The following ABLIM1 variants were observed in gnomAD, a reference collection of about 807,000 sequenced individuals.
ABLIM1 encodes the protein actin binding LIM protein 1.
A neutral mutation model predicts 107.0 loss-of-function variants in ABLIM1; 40 were observed. The observed-to-expected ratio is 0.37, with a 90% CI of 0.29 to 0.49. The LOEUF is 0.49. Ranked by LOEUF, ABLIM1 falls within the 20% of genes least tolerant of loss-of-function variation. The probability of loss-of-function intolerance (pLI) is 0.97; values close to 1 mark genes in which losing one functional copy is unlikely to be tolerated. For missense variants in ABLIM1, 857 were observed against 1,008.5 expected, an observed-to-expected ratio of 0.85 and a Z score of 2.04; for synonymous variants, 357 against 357.3, an observed-to-expected ratio of 1.00 and a Z score of 0.01.
intron 2 of ABLIM1, among the ~76,000 whole-genome samples, chr10:114,582,476 C>T (rs150024689): frequency 6.6e-6 from 1 of 152,258 alleles, no homozygotes; most frequent in African/African-American, 2.4e-5. Flanking sequence ...TATGAAACTA[C>T]CAACATCATT....
At chr10:114,687,076 G>A (rs552043562), upstream of ABLIM1, among the ~76,000 whole-genome samples, 16 of 152,294 alleles carry the variant, frequency 1.1e-4, no homozygotes, top group African/African-American at 1.9e-4. Flanking sequence ...GAAAGTGACC[G>A]TCACTTAGCA....
At chr10:114,771,213 T>C (rs1157202553), upstream of ABLIM1, among the ~76,000 whole-genome samples, 1 of 152,220 alleles carries the variant, frequency 6.6e-6, no homozygotes, top group African/African-American at 2.4e-5. Flanking sequence ...GAATTACAGA[T>C]ACAGTGGCAA....
intron 1 of ABLIM1, among the ~76,000 whole-genome samples, chr10:114,759,762 C>T (rs703349): frequency 0.7 from 107,033 of 152,008 alleles, 37,812 homozygotes; most frequent in Non-Finnish European, 0.73. Flanking sequence ...AGGAATACAC[C>T]GACACCATAA....
intron 6 of ABLIM1, among the ~76,000 whole-genome samples, chr10:114,499,282 G>A (rs2060081022): frequency 6.6e-6 from 1 of 152,240 alleles, no homozygotes; most frequent in South Asian, 2.1e-4. Flanking sequence ...ACGTAGCACT[G>A]AAAGATCACT....
At chr10:114,739,788 C>A (rs2082251114) in intron 1 of ABLIM1, among the ~76,000 whole-genome samples, 1 of 151,970 alleles carries the variant, frequency 6.6e-6, no homozygotes, top group African/African-American at 2.4e-5. Flanking sequence ...GGTTAAATGC[C>A]AACTTGACTA....
At chr10:114,473,199 G>T in intron 9 of ABLIM1, 67 bp from the exon 10 acceptor site, 1 of 1,461,106 alleles carries the variant, frequency 6.8e-7, no homozygotes. Context: ...TGTAGTTGGC[G>T]CATTTCCTGT....
At chr10:114,689,855 A>G (rs1366278521), upstream of ABLIM1, among the ~76,000 whole-genome samples, 1 of 152,074 alleles carries the variant, frequency 6.6e-6, no homozygotes, top group African/African-American at 2.4e-5. Context: ...CCATTTCCTG[A>G]CTTGATGCTT....
chr10:114,761,274 A>AG (rs1448995819), intron 1 of ABLIM1, among the ~76,000 whole-genome samples: 1 of 151,610 alleles, frequency 6.6e-6, no homozygotes. Context: ...GGCAAAAAAA[A>AG]AAAAAGTGTG....
intron 4 of ABLIM1, among the ~76,000 whole-genome samples, chr10:114,559,857 T>C (rs1232834094): frequency 6.6e-6 from 1 of 152,164 alleles, no homozygotes; most frequent in Non-Finnish European, 1.5e-5. Flanking sequence ...AATGGCCATA[T>C]GGTCCTCTGC....
At chr10:114,457,090 TCA>T (rs1044447628) in intron 12 of ABLIM1, among the ~76,000 whole-genome samples, 1 of 152,108 alleles carries the variant, frequency 6.6e-6, no homozygotes, top group African/African-American at 2.4e-5. Context: ...TTTTCACATA[TCA>T]CAACCGCTCA....
At chr10:114,511,938 T>G (rs1565717415) in intron 6 of ABLIM1, among the ~76,000 whole-genome samples, 1 of 152,172 alleles carries the variant, frequency 6.6e-6, no homozygotes, top group African/African-American at 2.4e-5. Context: ...TGGCATCACT[T>G]TCTCATCAAC....
At chr10:114,800,582 A>G in the ABLIM1 span, among the ~76,000 whole-genome samples, 15 of 152,164 alleles carry the variant, frequency 9.9e-5, no homozygotes, top group Non-Finnish European at 1.9e-4. Context: ...AATACAGTTG[A>G]CCCGTGAACA....
intron 3 of ABLIM1, among the ~76,000 whole-genome samples, chr10:114,573,540 C>A (rs2072019822): frequency 1.3e-5 from 2 of 152,210 alleles, no homozygotes; most frequent in African/African-American, 2.4e-5. Context: ...ATCAGAAGGG[C>A]TCTTAGAGTT....
intron 12 of ABLIM1, among the ~76,000 whole-genome samples, chr10:114,465,217 G>A (rs1374660052): frequency 6.6e-6 from 1 of 152,190 alleles, no homozygotes; most frequent in Non-Finnish European, 1.5e-5. Flanking sequence ...GATCTTAAAA[G>A]TGATCAAGAA....
At chr10:114,697,145 T>G (rs759547006) in intron 1 of ABLIM1, among the ~76,000 whole-genome samples, 2 of 152,162 alleles carry the variant, frequency 1.3e-5, no homozygotes, top group Non-Finnish European at 2.9e-5. Flanking sequence ...TCCCTTCTCA[T>G]TTCTGCTCCA....
At chr10:114,509,650 T>C (rs950936550) in intron 6 of ABLIM1, among the ~76,000 whole-genome samples, 2 of 152,250 alleles carry the variant, frequency 1.3e-5, no homozygotes, top group Non-Finnish European at 2.9e-5. Context: ...TTTCTAACCT[T>C]GGCATTCAAT....
chr10:114,445,116 G>T (rs1445182024), intron 16 of ABLIM1, among the ~76,000 whole-genome samples, 196 bp downstream of exon 16: 1 of 152,136 alleles, frequency 6.6e-6, no homozygotes, highest in Non-Finnish European at 1.5e-5. Flanking sequence ...CTCCTCTAGA[G>T]CCCAGCAGGT....
intron 1 of ABLIM1, among the ~76,000 whole-genome samples, chr10:114,664,885 G>A (rs528216069): frequency 2.0e-4 from 30 of 151,144 alleles, no homozygotes; most frequent in Non-Finnish European, 3.2e-4. Flanking sequence ...TTGGGAGGCC[G>A]AGGCGGGCGG....
At chr10:114,784,056 G>A in the ABLIM1 span, among the ~76,000 whole-genome samples, 1 of 151,840 alleles carries the variant, frequency 6.6e-6, no homozygotes, top group Non-Finnish European at 1.5e-5. Flanking sequence ...CTTTTCTAAA[G>A]AAACGGATGG....
Sources: allele counts gnomAD v4.1 joint callset (sites outside exome capture counted in the v4.1 genomes callset), GRCh38; gene constraint gnomAD v4.1.1; transcripts MANE v1.5; gene names NCBI Gene and HGNC (gene_info 2026-07-23, HGNC 2026-07-21).